Variants in ECPAS observed in about 807,000 individuals in gnomAD.
ECPAS encodes Ecm29 proteasome adaptor and scaffold.
A neutral mutation model predicts 255.1 loss-of-function variants in ECPAS; 70 were observed. The ratio of observed to expected loss-of-function variants is 0.27; its 90% CI spans 0.23 to 0.33. The LOEUF (loss-of-function observed/expected upper bound fraction) is 0.33. Ranked by LOEUF, ECPAS falls within the 10% of genes least tolerant of loss-of-function variation. The probability of loss-of-function intolerance (pLI) is 1.00; values close to 1 mark genes in which losing one functional copy is unlikely to be tolerated. For synonymous variants in ECPAS, 784 were observed against 775.0 expected (o/e 1.01, Z -0.19); for missense variants, 1,817 against 2,206.4 (o/e 0.82, Z 3.54).
Position 111,371,700 on chromosome 9 carries a change from C to T in ECPAS, c.4658G>A (p.Ser1553Asn). The T allele has an allele frequency of 6.2e-7, 1 of 1,613,888 alleles. No individual in the cohort carries two copies. The highest frequency in any genetic ancestry group is 1.1e-5 in the South Asian group (1 of 91,084). The change falls in exon 43 of 50, where the codon AGC becomes AAC. Residue 1553 changes from serine to asparagine, a missense_variant. Transcript: ENST00000684092. ...IAMASIAKQT[S>N]SLVPPYLGMI... ...TCCGAGATATGGAGGTACTAGAGAGCTAGTCTGTTTTGCAATTGATGCCAT... is the reference window on the plus strand; with the variant it reads ...TCCGAGATATGGAGGTACTAGAGAGTTAGTCTGTTTTGCAATTGATGCCAT...
chr9:111,476,541 A>G (rs889946004), intron 1 of ECPAS, among the ~76,000 whole-genome samples: 1 of 152,056 alleles, frequency 6.6e-6, no homozygotes, highest in African/African-American at 2.4e-5. Context: ...AACATACCCA[A>G]AAATCTACTA....
rs376715388 is a variant in ECPAS, at chr9:111,366,640, G to A, written c.5114-13C>T. On this transcript the variant is annotated splice_polypyrimidine_tract_variant and intron_variant, in intron 46 of 49. Transcript: ENST00000684092. ...TGACGATAACAACCTGGGAAAAAAAGACAAGGTGGGACAGAGCAGGAGACA... is the reference window on the plus strand; with the variant it reads ...TGACGATAACAACCTGGGAAAAAAAAACAAGGTGGGACAGAGCAGGAGACA... 4.5e-5 allele frequency: 69 copies of A among 1,540,258 alleles called. No individual in the cohort carries two copies. The highest frequency in any genetic ancestry group is 6.0e-5 in the Non-Finnish European group (67 of 1,113,890).
intron 36 of ECPAS, 39 bp downstream of exon 36, chr9:111,378,541 C>A: frequency 6.3e-7 from 1 of 1,585,214 alleles, no homozygotes; most frequent in South Asian, 1.1e-5. Context: ...GGGCTCTTCC[C>A]TCATGATACT....
At chr9:111,420,903 G>C (rs530444523) in intron 15 of ECPAS, among the ~76,000 whole-genome samples, 1 of 152,248 alleles carries the variant, frequency 6.6e-6, no homozygotes, top group African/African-American at 2.4e-5. Flanking sequence ...CCTAGAGTTT[G>C]GTTGCTTTAA....
chr9:111,472,126 T>C (rs193017983), intron 2 of ECPAS, among the ~76,000 whole-genome samples: 2 of 151,614 alleles, frequency 1.3e-5, no homozygotes, highest in African/African-American at 4.8e-5. Context: ...AAACAAAATG[T>C]AGTCCCAGCT....
chr9:111,373,513 C>G (rs2098129864), intron 39 of ECPAS, 107 bp from the exon 40 acceptor site: 4 of 815,016 alleles, frequency 4.9e-6, no homozygotes, highest in Non-Finnish European at 8.1e-6. Flanking sequence ...CTGATTTACT[C>G]CACAGTAGTT....
intron 10 of ECPAS, among the ~76,000 whole-genome samples, chr9:111,426,623 G>A (rs1229723255): frequency 1.3e-5 from 2 of 151,070 alleles, no homozygotes; most frequent in African/African-American, 2.4e-5. Context: ...AGGGAGGCTA[G>A]GACGGGAGGA....
At chr9:111,386,240 A>G in intron 32 of ECPAS, 137 bp downstream of exon 32, 1 of 662,706 alleles carries the variant, frequency 1.5e-6, no homozygotes, top group Non-Finnish European at 2.7e-6. Flanking sequence ...CTGGGATCAC[A>G]GGTGTGAGCC....
intron 37 of ECPAS, among the ~76,000 whole-genome samples, chr9:111,375,558 C>T (rs538506966): frequency 7.2e-5 from 11 of 152,228 alleles, no homozygotes; most frequent in African/African-American, 2.6e-4. Flanking sequence ...CTACAGTGGG[C>T]CTACCCTACC....
chr9:111,465,915 T>C (rs1481034157), intron 2 of ECPAS, among the ~76,000 whole-genome samples: 1 of 151,792 alleles, frequency 6.6e-6, no homozygotes, highest in Non-Finnish European at 1.5e-5. Flanking sequence ...GTCCCTGTAG[T>C]GCCAGCTACA....
rs2098127607 is a variant in ECPAS at position 111,371,728 on chromosome 9, C to T, written c.4630G>A (p.Ala1544Thr). 1 of 1,613,818 alleles carries T rather than the reference C, an allele frequency of 6.2e-7. No individual in the cohort carries two copies. Among genetic ancestry groups the T allele is most frequent in the South Asian group, 1.1e-5 (1 of 91,084 alleles). ...SWKMKAQGAI[A>T]MASIAKQTSS... ...GTCTGTTTTGCAATTGATGCCATGG[C>T]AATTGCACCCTGGGCTTTCATTTTC... The change falls in exon 43 of 50, where the codon GCC becomes ACC. Residue 1544 changes from alanine (A) to threonine (T), a missense_variant. By Grantham distance (58) the Ala-to-Thr change is moderately conservative (BLOSUM62 0). Around this residue, in one of 4 missense-constraint regions of ECPAS, gnomAD observed 960 missense variants for 1,179.0 expected, o/e 0.81. Transcript: ENST00000684092.
intron 49 of ECPAS, among the ~76,000 whole-genome samples, chr9:111,363,331 G>A (rs1219233648): frequency 3.9e-5 from 6 of 151,932 alleles, no homozygotes; most frequent in African/African-American, 1.2e-4. Context: ...CAGGATTCAC[G>A]ATGAAAACAA....
chr9:111,405,422 C>T (rs1353877076), intron 24 of ECPAS, among the ~76,000 whole-genome samples: 1 of 149,616 alleles, frequency 6.7e-6, no homozygotes, highest in African/African-American at 2.5e-5. Flanking sequence ...GGACTTAAAT[C>T]TAAGACCTGA....
intron 45 of ECPAS, 104 bp from the exon 46 acceptor site, chr9:111,369,277 A>G (rs1167472744): frequency 6.4e-6 from 5 of 778,590 alleles, no homozygotes; most frequent in Non-Finnish European, 9.0e-6. Context: ...GATATTAACC[A>G]AGAGTTAAAT....
chr9:111,481,711 C>T (rs910059326), intron 1 of ECPAS, among the ~76,000 whole-genome samples: 2 of 152,072 alleles, frequency 1.3e-5, no homozygotes, highest in Non-Finnish European at 2.9e-5. Flanking sequence ...TGTCCATAGA[C>T]AGATAGATGG....
At chr9:111,447,505 C>T (rs978135556) in intron 3 of ECPAS, among the ~76,000 whole-genome samples, 1 of 152,074 alleles carries the variant, frequency 6.6e-6, no homozygotes, top group African/African-American at 2.4e-5. Flanking sequence ...ATGGTTATAT[C>T]TTGTCTGGAA....
chr9:111,421,407 ATATGTGTGTG>A (rs1564533722), intron 15 of ECPAS, among the ~76,000 whole-genome samples: 8 of 127,354 alleles, frequency 6.3e-5, no homozygotes, highest in African/African-American at 2.8e-4. Context: ...CATATTACAT[ATATGTGTGTG>A]TGTGTGTGTG....
In ECPAS at chr9:111,416,326, G is replaced by A; in HGVS notation, c.1710C>T (p.Val570=). The change falls in exon 18 of 50, where the codon GTC becomes GTT. Residue 570 remains valine (V), a synonymous_variant. Transcript: ENST00000684092. ...EKASHRMKTP[V]KYMTGTTVLP... The stretch of plus-strand genomic sequence containing the variant: ...GGACAGTGGTCCCGGTCATGTACTT[G>A]ACTGGAGTTTTCATTCGATGAGAAG... 6.2e-7 allele frequency: 1 copy of A among 1,613,670 alleles called. No homozygotes were observed. Among genetic ancestry groups the A allele is most frequent in the Non-Finnish European group, 8.5e-7 (1 of 1,179,690 alleles).
intron 2 of ECPAS, 21 bp from the exon 3 acceptor site, chr9:111,451,576 AAG>A (rs757658292): frequency 2.2e-5 from 33 of 1,523,380 alleles, no homozygotes; most frequent in Non-Finnish European, 2.9e-5. Flanking sequence ...AAAAGAAAAA[AAG>A]AGAGAACTTA....
Sources: allele counts gnomAD v4.1 joint callset (sites outside exome capture counted in the v4.1 genomes callset), GRCh38; gene constraint gnomAD v4.1.1; regional missense constraint gnomAD v4.1.1; transcripts MANE v1.5; gene names NCBI Gene and HGNC (gene_info 2026-07-23, HGNC 2026-07-21).